CREBRF: variants seen among roughly 807,000 people sequenced by gnomAD.
The protein encoded by CREBRF is CREB3 regulatory factor.
In CREBRF, 5 loss-of-function variants were observed where a neutral mutation model predicts 66.1. That is an observed-to-expected ratio of 0.08 (90% CI 0.04 to 0.16). CREBRF has a LOEUF of 0.16. Ranked by LOEUF, CREBRF falls within the 10% of genes least tolerant of loss-of-function variation. The probability of loss-of-function intolerance (pLI) is 1.00; values close to 1 mark genes in which losing one functional copy is unlikely to be tolerated. For missense variants in CREBRF, 531 were observed against 744.9 expected, an observed-to-expected ratio of 0.71 and a Z score of 3.34; for synonymous variants, 229 against 264.4, an observed-to-expected ratio of 0.87 and a Z score of 1.30.
chr5:173,066,798 T>G (rs1757447436), intron 1 of CREBRF, among the ~76,000 whole-genome samples: 1 of 150,494 alleles, frequency 6.6e-6, no homozygotes, highest in Non-Finnish European at 1.5e-5. Context: ...GTGTCGTATA[T>G]TCATTGAATC....
intron 4 of CREBRF, among the ~76,000 whole-genome samples, chr5:173,102,101 A>C (rs1043756785): frequency 1.3e-5 from 2 of 152,074 alleles, no homozygotes; most frequent in East Asian, 3.9e-4. Flanking sequence ...ATTTCAGTTT[A>C]GTCCTTGTGT....
chr5:173,059,089 C>T (rs764993122), intron 1 of CREBRF, among the ~76,000 whole-genome samples: 5 of 151,886 alleles, frequency 3.3e-5, no homozygotes, highest in Non-Finnish European at 7.4e-5. Context: ...TGAGCTACTG[C>T]GCCCGGCCTG....
chr5:173,108,988 T>A (rs896304965), intron 5 of CREBRF, 170 bp downstream of exon 5: 28 of 609,004 alleles, frequency 4.6e-5, no homozygotes, highest in Admixed American at 1.6e-4. Context: ...CACAAATAGC[T>A]TTTACCAGTG....
intron 7 of CREBRF, among the ~76,000 whole-genome samples, chr5:173,118,613 C>T (rs1295947309): frequency 2.0e-5 from 3 of 152,056 alleles, no homozygotes; most frequent in Non-Finnish European, 4.4e-5. Flanking sequence ...TTCCCTTCCC[C>T]ATTGAATTGT....
At chr5:173,092,292 A>G (rs1482698963) in intron 4 of CREBRF, 1 of 979,686 alleles carries the variant, frequency 1.0e-6, no homozygotes, top group Non-Finnish European at 1.2e-6. Flanking sequence ...GTATTTTCCT[A>G]TTTAAGAAAA....
chr5:173,120,779 C>T (rs990494384), intron 7 of CREBRF, among the ~76,000 whole-genome samples: 55 of 143,160 alleles, frequency 3.8e-4, no homozygotes, highest in African/African-American at 1.3e-3. Flanking sequence ...CTGTAACCTC[C>T]GCCTCCCAGC....
intron 8 of CREBRF, among the ~76,000 whole-genome samples, chr5:173,125,646 C>T (rs572459838): frequency 3.3e-5 from 5 of 152,150 alleles, no homozygotes; most frequent in South Asian, 2.1e-4. Context: ...AGGCAGATCA[C>T]GAGGTCAGGA....
chr5:173,126,781 C>G (rs1042902697), intron 8 of CREBRF, among the ~76,000 whole-genome samples: 8 of 152,068 alleles, frequency 5.3e-5, no homozygotes, highest in Admixed American at 2.0e-4. Context: ...GTAGTTTGTT[C>G]CTACCTTCTT....
At chr5:173,114,387 C>G (rs959728564) in intron 7 of CREBRF, among the ~76,000 whole-genome samples, 1 of 151,944 alleles carries the variant, frequency 6.6e-6, no homozygotes, top group African/African-American at 2.4e-5. Context: ...CCTATCAGCC[C>G]AATAGTTTCT....
At chr5:173,070,718 A>G (rs1466478220) in intron 1 of CREBRF, among the ~76,000 whole-genome samples, 2 of 152,168 alleles carry the variant, frequency 1.3e-5, no homozygotes, top group Non-Finnish European at 2.9e-5. Flanking sequence ...TATTTTTACT[A>G]TATGATACTA....
intron 8 of CREBRF, among the ~76,000 whole-genome samples, chr5:173,128,414 A>G (rs770585277): frequency 6.6e-6 from 1 of 150,952 alleles, no homozygotes; most frequent in Non-Finnish European, 1.5e-5. Flanking sequence ...TTATAATAAG[A>G]TTCCCACATA....
chr5:173,079,580 A>G (rs1305172173), intron 1 of CREBRF, among the ~76,000 whole-genome samples: 1 of 152,170 alleles, frequency 6.6e-6, no homozygotes, highest in Non-Finnish European at 1.5e-5. Context: ...TTACCAATAT[A>G]AGAAGTGACA....
chr5:173,130,239 G>T (rs927251857), intron 8 of CREBRF, among the ~76,000 whole-genome samples: 7 of 152,088 alleles, frequency 4.6e-5, no homozygotes, highest in African/African-American at 1.7e-4. Flanking sequence ...TGGTTTTAGT[G>T]CTGTCATCAA....
intron 8 of CREBRF, among the ~76,000 whole-genome samples, chr5:173,132,620 G>T (rs1217678379): frequency 1.1e-5 from 1 of 88,998 alleles, no homozygotes; most frequent in Non-Finnish European, 2.3e-5. Context: ...TTTTTTTGAG[G>T]CAGAGTTTCA....
At chr5:173,105,243 G>GTC (rs1428752879) in intron 4 of CREBRF, among the ~76,000 whole-genome samples, 1 of 152,006 alleles carries the variant, frequency 6.6e-6, no homozygotes, top group Non-Finnish European at 1.5e-5. Context: ...GTGTGTGTGT[G>GTC]TGTGTGTGTG....
chr5:173,084,665 A>T (rs1002893736), intron 2 of CREBRF, among the ~76,000 whole-genome samples: 10 of 152,158 alleles, frequency 6.6e-5, no homozygotes, highest in African/African-American at 2.4e-4. Context: ...TTTTTGAGAC[A>T]GAGTCTCACT....
At chr5:173,084,130 A>T (rs140514125) in intron 2 of CREBRF, among the ~76,000 whole-genome samples, 42 of 152,300 alleles carry the variant, frequency 2.8e-4, no homozygotes, top group African/African-American at 9.9e-4. Context: ...TTCAAAAAGG[A>T]GTATGTTATT....
intron 2 of CREBRF, among the ~76,000 whole-genome samples, chr5:173,082,583 T>C (rs1295751663): frequency 6.6e-6 from 1 of 150,380 alleles, no homozygotes; most frequent in Non-Finnish European, 1.5e-5. Context: ...CTGCAGAAAC[T>C]TGCAAAAAAA....
intron 8 of CREBRF, among the ~76,000 whole-genome samples, chr5:173,132,063 A>T (rs1427990087): frequency 1.3e-5 from 2 of 148,780 alleles, no homozygotes; most frequent in Non-Finnish European, 3.0e-5. Flanking sequence ...ACTTCTTCCT[A>T]TGAGCAATGA....
Sources: gnomAD v4.1 joint callset for allele counts (sites outside exome capture counted in the v4.1 genomes callset) on GRCh38, gnomAD v4.1.1 for gene constraint, MANE v1.5 for transcripts, NCBI Gene and HGNC (gene_info 2026-07-23, HGNC 2026-07-21) for gene names.